SORCS3: variants seen among roughly 807,000 people sequenced by gnomAD.
The protein encoded by SORCS3 is sortilin related VPS10 domain containing receptor 3.
A neutral mutation model predicts 146.3 loss-of-function variants in SORCS3; 57 were observed. The ratio of observed to expected loss-of-function variants is 0.39; its 90% CI spans 0.31 to 0.49. The LOEUF is 0.49. SORCS3 is among the 20% of genes least tolerant of loss of function. The pLI is 0.92. For synonymous variants in SORCS3, 653 were observed against 618.5 expected (o/e 1.06, Z -0.83); for missense variants, 1,341 against 1,575.5 (o/e 0.85, Z 2.52).
chr10:104,986,530 C>A (rs576510176), intron 4 of SORCS3, among the ~76,000 whole-genome samples: 1 of 152,142 alleles, frequency 6.6e-6, no homozygotes, highest in African/African-American at 2.4e-5. Context: ...GGCTGTTTGG[C>A]GCAAGAGACT....
At chr10:104,773,944 C>T (rs926589225) in intron 1 of SORCS3, among the ~76,000 whole-genome samples, 4 of 152,210 alleles carry the variant, frequency 2.6e-5, no homozygotes, top group African/African-American at 9.7e-5. Context: ...CTCTCCCACC[C>T]TATTCCTATC....
At chr10:104,918,143 TTAAAGTTCTAGG>T (rs1342020701) in intron 3 of SORCS3, among the ~76,000 whole-genome samples, 1 of 152,200 alleles carries the variant, frequency 6.6e-6, no homozygotes, top group Non-Finnish European at 1.5e-5. Context: ...ACACATGTGA[TTAAAGTTCTAGG>T]TGGCCTCTCT....
chr10:104,686,779 C>T (rs1388410586), intron 1 of SORCS3, among the ~76,000 whole-genome samples: 2 of 152,076 alleles, frequency 1.3e-5, no homozygotes, highest in African/African-American at 4.8e-5. Context: ...GGTGGTCCCT[C>T]TTAGAACCAC....
intron 3 of SORCS3, among the ~76,000 whole-genome samples, chr10:104,925,193 A>G (rs2019129323): frequency 6.6e-6 from 1 of 152,186 alleles, no homozygotes; most frequent in African/African-American, 2.4e-5. Context: ...TTTGCTGAGA[A>G]TGATGGTTTC....
At chr10:104,810,995 T>C (rs2017734103) in intron 1 of SORCS3, among the ~76,000 whole-genome samples, 1 of 152,200 alleles carries the variant, frequency 6.6e-6, no homozygotes, top group Non-Finnish European at 1.5e-5. Flanking sequence ...GTACTGTATG[T>C]AAATTTAAAA....
At position 105,059,515 on chromosome 10, in the gene SORCS3, C is replaced by T. The variant is rs562382724; in HGVS notation, c.1028+16387C>T. 2.0e-5 allele frequency among the ~76,000 whole-genome samples: 3 copies of T among 152,218 alleles called. 1 individual carries two copies. In the South Asian group the frequency reaches 6.2e-4, roughly 32 times the overall value. On this transcript the variant is annotated intron_variant, in intron 5 of 26. Transcript: ENST00000369701. ...ACTTAGGAATTCCATTGAAAAGACA[C>T]TTTTGAGTCCCTACTCTTTGAACAG...
intron 3 of SORCS3, among the ~76,000 whole-genome samples, chr10:104,953,141 A>G (rs191028472): frequency 6.6e-6 from 1 of 152,344 alleles, no homozygotes; most frequent in African/African-American, 2.4e-5. Flanking sequence ...TAATGTCCCA[A>G]TTCCTAAATG....
chr10:104,703,718 T>TG (rs923220812), intron 1 of SORCS3, among the ~76,000 whole-genome samples: 25 of 150,974 alleles, frequency 1.7e-4, no homozygotes, highest in Non-Finnish European at 1.2e-4. Flanking sequence ...CCTGTTTTTT[T>TG]TTTTTTTTTT....
At chr10:105,021,228 T>A (rs117477493) in intron 4 of SORCS3, among the ~76,000 whole-genome samples, 1 of 152,150 alleles carries the variant, frequency 6.6e-6, no homozygotes, top group African/African-American at 2.4e-5. Context: ...GGGGCCAGCA[T>A]TGGGAGAGGG....
chr10:104,940,239 T>TATATATATATA (rs1554861474), intron 3 of SORCS3, among the ~76,000 whole-genome samples: 108 of 14,306 alleles, frequency 7.5e-3, no homozygotes, highest in East Asian at 0.01. Flanking sequence ...TATATATATA[T>TATATATATATA]TTTTTTTTTT....
At position 104,641,577 on chromosome 10, in the gene SORCS3, C is replaced by A. The variant is rs896551212; in HGVS notation, c.250C>A (p.Arg84=). Residue 84 remains arginine, a synonymous_variant, in exon 1 of 27, where the codon CGG becomes AGG. Coordinates refer to ENST00000369701, the MANE Select transcript of SORCS3 (RefSeq NM_014978.3). This position sits in a 1 kb window ranked among gnomAD's most constrained non-coding sequence, Gnocchi z 6.4. Reference sequence around the variant, plus strand: ...GCGGAGAGCCGCCGTGCTGGGGCGCCGGGCCGGACCAGAGCTGCTGCCCCA... The same window carrying A: ...GCGGAGAGCCGCCGTGCTGGGGCGCAGGGCCGGACCAGAGCTGCTGCCCCA... ...SARRAAVLGR[R]AGPELLPQQG... 43 of 1,476,492 alleles carry A rather than the reference C, an allele frequency of 2.9e-5. No individual in the cohort carries two copies. In the East Asian group the frequency reaches 1.2e-3, roughly 40 times the overall value. The allele number at this position is 1,476,492 out of a possible 1,614,324, so 91.5% of individuals were successfully genotyped here.
At chr10:104,777,217 A>T (rs773357503) in intron 1 of SORCS3, among the ~76,000 whole-genome samples, 10 of 152,172 alleles carry the variant, frequency 6.6e-5, no homozygotes, top group Non-Finnish European at 1.5e-4. Context: ...GTTTAATGTC[A>T]TCATTTTGCA....
chr10:105,124,934 G>A (rs1399654299), intron 7 of SORCS3, among the ~76,000 whole-genome samples: 2 of 152,198 alleles, frequency 1.3e-5, no homozygotes, highest in Non-Finnish European at 2.9e-5. Flanking sequence ...AACGCTTTCA[G>A]TTTTACTGCC....
intron 20 of SORCS3, among the ~76,000 whole-genome samples, chr10:105,234,063 C>T (rs1316209324): frequency 6.6e-6 from 1 of 152,116 alleles, no homozygotes; most frequent in Non-Finnish European, 1.5e-5. Flanking sequence ...CAAAACAGAT[C>T]TACTGACAAG....
chr10:104,759,296 C>T (rs546352146), intron 1 of SORCS3, among the ~76,000 whole-genome samples: 1 of 152,304 alleles, frequency 6.6e-6, no homozygotes, highest in Non-Finnish European at 1.5e-5. Context: ...TCTTGGACCT[C>T]ATCCTCCAGA....
intron 3 of SORCS3, among the ~76,000 whole-genome samples, chr10:104,949,572 A>G (rs572322040): frequency 6.6e-6 from 1 of 152,326 alleles, no homozygotes; most frequent in South Asian, 2.1e-4. Flanking sequence ...TCATAAATAC[A>G]TTCTATTTTT....
intron 5 of SORCS3, among the ~76,000 whole-genome samples, chr10:105,044,130 A>T (rs2055354444): frequency 1.3e-5 from 2 of 152,210 alleles, no homozygotes; most frequent in African/African-American, 4.8e-5. Flanking sequence ...GTACTTTGAG[A>T]GGCTGAGGTG....
intron 7 of SORCS3, among the ~76,000 whole-genome samples, chr10:105,122,881 G>C (rs1386944359): frequency 1.3e-5 from 2 of 152,204 alleles, no homozygotes; most frequent in Non-Finnish European, 2.9e-5. Context: ...CTCTTGGAAG[G>C]AGACAGTGCA....
At chr10:105,119,035 G>A (rs1564759268) in intron 7 of SORCS3, among the ~76,000 whole-genome samples, 1 of 152,148 alleles carries the variant, frequency 6.6e-6, no homozygotes, top group Admixed American at 6.5e-5. Context: ...CATCACAGAA[G>A]CCCCTCTCAT....
Sources: gnomAD v4.1 joint callset for allele counts (sites outside exome capture counted in the v4.1 genomes callset) on GRCh38, gnomAD v4.1.1 for gene constraint, Gnocchi (gnomAD v3.1) non-coding constraint, MANE v1.5 for transcripts, NCBI Gene and HGNC (gene_info 2026-07-23, HGNC 2026-07-21) for gene names.